The following EYS variants were observed in gnomAD, a reference collection of about 807,000 sequenced individuals.
EYS encodes the protein EGF-like photoreceptor maintenance factor.
EYS carries 250 observed loss-of-function variants against 282.1 expected under a neutral mutation model. The ratio of observed to expected loss-of-function variants is 0.89; its 90% confidence interval spans 0.80 to 0.98. The LOEUF is 0.98. EYS is among the 50% of genes least tolerant of loss of function. The probability of loss-of-function intolerance (pLI) is 0.00; values close to 1 mark genes in which losing one functional copy is unlikely to be tolerated. For synonymous variants in EYS, 1,355 were observed against 1,282.9 expected, an observed-to-expected ratio of 1.06 and a Z score of -1.20; for missense variants, 4,016 against 3,709.0, an observed-to-expected ratio of 1.08 and a Z score of -2.15.
chr6:64,701,489 T>C (rs1207917435), intron 22 of EYS, among the ~76,000 whole-genome samples: 1 of 152,068 alleles, frequency 6.6e-6, no homozygotes, highest in African/African-American at 2.4e-5. Context: ...TATAAAAAGA[T>C]ATCTGTACTT....
rs1773823476 is a variant in EYS, at chr6:64,409,654, CTT to C, written c.5928-20816_5928-20815del. 2.0e-5 allele frequency among the ~76,000 whole-genome samples: 3 copies of C among 152,216 alleles called. No individual in the cohort carries two copies. The South Asian group carries it at 6.2e-4, about 32-fold the overall frequency. ...GATTATTAGAATCTGAAAAAATGCT[CTT>C]ATTATTTTGGGCGCATTGGCTTGTT... On this transcript the variant is annotated intron_variant, in intron 28 of 42. Transcript: ENST00000503581.
chr6:65,483,766 C>T lies in EYS; in HGVS notation c.862+6828G>A, dbSNP rs537704008. Among the ~76,000 whole-genome samples the T allele has an allele frequency of 3.4e-4, 51 of 152,168 alleles. 1 individual carries two copies. The highest frequency in any genetic ancestry group is 1.2e-3 in the African/African-American group (51 of 41,524). On this transcript the variant is annotated intron_variant, in intron 5 of 42. Coordinates refer to ENST00000503581, the MANE Select transcript of EYS (RefSeq NM_001142800.2). ...CAATTTGCAAAAGAAAGAAGTTTAA[C>T]GGACCTACAGTTCCACGTGGCTGGG... is the stretch of plus-strand genomic sequence containing the variant.
intron 22 of EYS, among the ~76,000 whole-genome samples, chr6:64,680,177 G>A (rs925712853): frequency 2.0e-5 from 3 of 152,206 alleles, no homozygotes; most frequent in African/African-American, 7.2e-5. Flanking sequence ...AAAAGTGAGT[G>A]ATGAAGAAAG....
chr6:64,481,378 G>C (rs1443513111), intron 26 of EYS, among the ~76,000 whole-genome samples: 2 of 149,406 alleles, frequency 1.3e-5, no homozygotes, highest in African/African-American at 4.9e-5. Context: ...GTGTATCCAA[G>C]GTGATACAGT....
At chr6:64,457,255 C>T (rs551018912) in intron 26 of EYS, among the ~76,000 whole-genome samples, 2 of 151,994 alleles carry the variant, frequency 1.3e-5, no homozygotes, top group Non-Finnish European at 2.9e-5. Flanking sequence ...AGTCTTCTTA[C>T]AGTTTTCAGA....
At chr6:64,799,709 T>A (rs1369774777) in intron 22 of EYS, among the ~76,000 whole-genome samples, 1 of 150,754 alleles carries the variant, frequency 6.6e-6, no homozygotes, top group African/African-American at 2.4e-5. Flanking sequence ...TTTATACCTA[T>A]GTCTGTATCT....
At chr6:64,209,816 A>G (rs1453447951) in intron 31 of EYS, among the ~76,000 whole-genome samples, 3 of 151,984 alleles carry the variant, frequency 2.0e-5, no homozygotes, top group African/African-American at 4.8e-5. Flanking sequence ...TCACCTCCTG[A>G]CAGTCTGGTT....
At chr6:65,508,743 G>A (rs1055575740) in intron 2 of EYS, among the ~76,000 whole-genome samples, 6 of 152,042 alleles carry the variant, frequency 3.9e-5, no homozygotes, top group African/African-American at 1.2e-4. Context: ...TATACAGGGG[G>A]CTAGAGTATG....
At chr6:64,024,599 C>T (rs1476929739) in intron 33 of EYS, among the ~76,000 whole-genome samples, 1 of 152,086 alleles carries the variant, frequency 6.6e-6, no homozygotes, top group East Asian at 1.9e-4. Flanking sequence ...AATCTTGCTG[C>T]TCCTCACTCT....
At chr6:65,038,818 T>C (rs1284289551) in intron 13 of EYS, among the ~76,000 whole-genome samples, 2 of 151,384 alleles carry the variant, frequency 1.3e-5, no homozygotes, top group Non-Finnish European at 3.0e-5. Flanking sequence ...TGATGATTAA[T>C]CATAAGAATT....
chr6:64,939,748 C>A (rs902955742), intron 15 of EYS, among the ~76,000 whole-genome samples: 3 of 151,874 alleles, frequency 2.0e-5, no homozygotes, highest in Non-Finnish European at 4.4e-5. Context: ...AAAGTAGCTT[C>A]TGATAGCCAG....
chr6:65,395,056 C>G (rs1165982448), intron 7 of EYS, among the ~76,000 whole-genome samples: 2 of 152,128 alleles, frequency 1.3e-5, no homozygotes, highest in African/African-American at 4.8e-5. Flanking sequence ...CCCAACCTTA[C>G]TTTATTTGTT....
intron 19 of EYS, among the ~76,000 whole-genome samples, chr6:64,843,929 A>T (rs1009483223): frequency 2.0e-5 from 3 of 152,128 alleles, no homozygotes; most frequent in Admixed American, 6.6e-5. Context: ...GAGATAATTG[A>T]ATCATGGGGA....
intron 2 of EYS, among the ~76,000 whole-genome samples, chr6:65,557,004 G>C (rs1041118646): frequency 6.6e-6 from 1 of 152,114 alleles, no homozygotes; most frequent in African/African-American, 2.4e-5. Flanking sequence ...AGTATATTAA[G>C]AACTGTTTTG....
chr6:64,862,531 T>C (rs1237171478), intron 19 of EYS, among the ~76,000 whole-genome samples: 1 of 152,174 alleles, frequency 6.6e-6, no homozygotes, highest in African/African-American at 2.4e-5. Context: ...TTCACTCATA[T>C]TATCTTTTGT....
intron 28 of EYS, among the ~76,000 whole-genome samples, chr6:64,394,096 G>T: frequency 6.6e-6 from 1 of 152,088 alleles, no homozygotes; most frequent in Non-Finnish European, 1.5e-5. Context: ...ACCTCTTCAA[G>T]GAGAACTACA....
intron 14 of EYS, among the ~76,000 whole-genome samples, chr6:64,982,232 A>G (rs960326928): frequency 1.3e-5 from 2 of 151,378 alleles, no homozygotes; most frequent in Non-Finnish European, 3.0e-5. Context: ...AAATATTTAA[A>G]CAAATTGAAG....
intron 8 of EYS, among the ~76,000 whole-genome samples, chr6:65,365,792 G>C (rs1205409223): frequency 6.6e-6 from 1 of 151,714 alleles, no homozygotes; most frequent in Non-Finnish European, 1.5e-5. Context: ...AAGTTACTTA[G>C]TCCATGGGCC....
intron 22 of EYS, among the ~76,000 whole-genome samples, chr6:64,651,167 T>C (rs1174669768): frequency 6.6e-6 from 1 of 152,132 alleles, no homozygotes. Flanking sequence ...ATGAATATTA[T>C]AGATAGATAA....
Sources: allele counts gnomAD v4.1 joint callset (sites outside exome capture counted in the v4.1 genomes callset), GRCh38; gene constraint gnomAD v4.1.1; transcripts MANE v1.5; gene names NCBI Gene and HGNC (gene_info 2026-07-23, HGNC 2026-07-21).